The following ADAMTS18 variants were observed in gnomAD, a reference collection of about 807,000 sequenced individuals.
ADAMTS18 encodes ADAM metallopeptidase with thrombospondin type 1 motif 18.
A neutral mutation model predicts 165.9 loss-of-function variants in ADAMTS18; 157 were observed. The observed-to-expected ratio is 0.95, with a 90% CI of 0.83 to 1.08. The LOEUF (loss-of-function observed/expected upper bound fraction) is 1.08, where lower values mean the gene tolerates loss of function less well. ADAMTS18 is among the 50% of genes least tolerant of loss of function. The probability of loss-of-function intolerance (pLI) is 0.00; values close to 1 mark genes in which losing one functional copy is unlikely to be tolerated. For missense variants in ADAMTS18, 2,040 were observed against 1,534.0 expected (o/e 1.33, Z -5.51); for synonymous variants, 782 against 578.2 (o/e 1.35, Z -5.06).
rs1314049726 is a variant in ADAMTS18 at position 77,400,504 on chromosome 16, C to T, written c.495+30791G>A. 1.2e-3 allele frequency among the ~76,000 whole-genome samples: 161 copies of T among 134,222 alleles called. 1 individual carries two copies. The highest frequency in any genetic ancestry group is 4.4e-3 in the Middle Eastern group (1 of 226). The allele number at this position is 134,222 out of a possible 152,430, so 88.1% of individuals were successfully genotyped here. ...TGTTTTGTTTTTTTTTTTTTTGAGA[C>T]GGAGTCTCGCTCTGTCGCCCAGGCT... On this transcript the variant is annotated intron_variant, in intron 3 of 22. Coordinates refer to ENST00000282849, the MANE Select transcript of ADAMTS18 (RefSeq NM_199355.4).
chr16:77,368,437 CTTTTTTTTT>C (rs892324445), intron 3 of ADAMTS18, among the ~76,000 whole-genome samples: 3 of 132,978 alleles, frequency 2.3e-5, no homozygotes, highest in Non-Finnish European at 4.9e-5. Context: ...TTCTTTTTTT[CTTTTTTTTT>C]TTTTTTTTGA....
At position 77,388,005 on chromosome 16, in the gene ADAMTS18, T is replaced by C. The variant is rs534509178; in HGVS notation, c.496-20282A>G. Among the ~76,000 whole-genome samples the C allele has an allele frequency of 1.8e-4, 28 of 152,306 alleles. 1 individual carries two copies. In the East Asian group the frequency reaches 4.8e-3, roughly 26 times the overall value. On this transcript the variant is annotated intron_variant, in intron 3 of 22. Coordinates refer to ENST00000282849, the MANE Select transcript of ADAMTS18 (RefSeq NM_199355.4). ...ACTGCTTCCTAGGATGGCAGAGCTT[T>C]CCACTGTTCTTTAAACCAGCTAAAC...
At chr16:77,327,960 T>A (rs2056124074) in intron 12 of ADAMTS18, among the ~76,000 whole-genome samples, 1 of 152,210 alleles carries the variant, frequency 6.6e-6, no homozygotes, top group African/African-American at 2.4e-5. Flanking sequence ...GACTGTTGTG[T>A]GTTTCTTCTG....
intron 3 of ADAMTS18, among the ~76,000 whole-genome samples, chr16:77,373,783 G>A (rs1210375607): frequency 6.6e-6 from 1 of 152,080 alleles, no homozygotes; most frequent in Non-Finnish European, 1.5e-5. Flanking sequence ...CAGTTTACTG[G>A]CTTTATGTCT....
intron 3 of ADAMTS18, among the ~76,000 whole-genome samples, chr16:77,389,656 G>A (rs967948493): frequency 1.3e-5 from 2 of 152,152 alleles, no homozygotes; most frequent in Non-Finnish European, 2.9e-5. Flanking sequence ...CAAGGCACCT[G>A]ATAAATTCTT....
intron 19 of ADAMTS18, among the ~76,000 whole-genome samples, chr16:77,293,716 G>T (rs1371565192): frequency 6.7e-6 from 1 of 150,134 alleles, no homozygotes; most frequent in Non-Finnish European, 1.5e-5. Context: ...GGATAAAACT[G>T]TTCCACCTCA....
At chr16:77,423,380 GATA>G (rs1474849189) in intron 3 of ADAMTS18, among the ~76,000 whole-genome samples, 1 of 152,128 alleles carries the variant, frequency 6.6e-6, no homozygotes, top group Non-Finnish European at 1.5e-5. Context: ...CTGCAATAAT[GATA>G]ATTAGTACTA....
chr16:77,313,821 C>T (rs944374370), intron 16 of ADAMTS18, among the ~76,000 whole-genome samples: 2 of 152,064 alleles, frequency 1.3e-5, no homozygotes, highest in Admixed American at 6.5e-5. Flanking sequence ...GCCGAAAAAG[C>T]CCCTCAAAAG....
At chr16:77,333,578 A>C (rs2056226603) in intron 12 of ADAMTS18, among the ~76,000 whole-genome samples, 1 of 151,656 alleles carries the variant, frequency 6.6e-6, no homozygotes, top group Non-Finnish European at 1.5e-5. Context: ...AGCCATCCCA[A>C]AAAAATCCCA....
At chr16:77,288,357 A>G (rs17712956) in intron 22 of ADAMTS18, among the ~76,000 whole-genome samples, 18,434 of 151,940 alleles carry the variant, frequency 0.12, 1,307 homozygotes, top group Admixed American at 0.23. Flanking sequence ...GTATCCCAGC[A>G]TGGACTAGGA....
At chr16:77,318,132 T>C (rs1276403302) in intron 16 of ADAMTS18, among the ~76,000 whole-genome samples, 4 of 152,200 alleles carry the variant, frequency 2.6e-5, no homozygotes, top group Non-Finnish European at 4.4e-5. Context: ...ATCTTCCTAA[T>C]AGTCAGTTTT....
intron 22 of ADAMTS18, among the ~76,000 whole-genome samples, chr16:77,287,524 C>T (rs1246302112): frequency 1.3e-5 from 2 of 152,124 alleles, no homozygotes; most frequent in Non-Finnish European, 2.9e-5. Flanking sequence ...AAAGCCCAGG[C>T]TGGAGTGCAG....
At chr16:77,391,053 C>T (rs2057179624) in intron 3 of ADAMTS18, among the ~76,000 whole-genome samples, 1 of 152,212 alleles carries the variant, frequency 6.6e-6, no homozygotes, top group African/African-American at 2.4e-5. Context: ...TCAACATTTA[C>T]ATTTTGTTTT....
At chr16:77,337,812 C>CACATT (rs2056333065) in intron 11 of ADAMTS18, among the ~76,000 whole-genome samples, 2 of 152,094 alleles carry the variant, frequency 1.3e-5, no homozygotes, top group Admixed American at 6.5e-5. Context: ...TACACACAGA[C>CACATT]CTGCACACAT....
intron 10 of ADAMTS18, among the ~76,000 whole-genome samples, chr16:77,342,089 A>G (rs1400655093): frequency 6.6e-6 from 1 of 152,180 alleles, no homozygotes; most frequent in Non-Finnish European, 1.5e-5. Flanking sequence ...CTGGTTTCTC[A>G]TGATAGTGAT....
intron 12 of ADAMTS18, among the ~76,000 whole-genome samples, chr16:77,329,660 C>T (rs936580151): frequency 1.3e-5 from 2 of 152,108 alleles, no homozygotes; most frequent in Admixed American, 1.3e-4. Context: ...TAATACATTT[C>T]ATTTTTAATT....
At chr16:77,356,209 G>C in intron 8 of ADAMTS18, 132 bp from the exon 9 acceptor site, 1 of 1,201,484 alleles carries the variant, frequency 8.3e-7, no homozygotes, top group Admixed American at 1.9e-5. Flanking sequence ...AACTGGAAAA[G>C]AGAAAGGCAA....
intron 3 of ADAMTS18, among the ~76,000 whole-genome samples, chr16:77,427,833 A>G (rs1567559822): frequency 6.6e-6 from 1 of 152,234 alleles, no homozygotes; most frequent in Non-Finnish European, 1.5e-5. Context: ...AATATTTCAA[A>G]CAGGTTAATT....
intron 3 of ADAMTS18, among the ~76,000 whole-genome samples, chr16:77,389,846 G>A (rs2057161935): frequency 6.6e-6 from 1 of 152,152 alleles, no homozygotes; most frequent in African/African-American, 2.4e-5. Flanking sequence ...TCTGTGCACT[G>A]GTATGCATAG....
Sources: allele counts gnomAD v4.1 joint callset (sites outside exome capture counted in the v4.1 genomes callset), GRCh38; gene constraint gnomAD v4.1.1; transcripts MANE v1.5; gene names NCBI Gene and HGNC (gene_info 2026-07-23, HGNC 2026-07-21).